SYT9: variants seen among roughly 807,000 people sequenced by gnomAD.
The protein encoded by SYT9 is synaptotagmin 9.
Under a neutral mutation model 48.4 loss-of-function variants are expected in SYT9, and 22 were observed. That is an observed-to-expected ratio of 0.45 (90% CI 0.32 to 0.65). The LOEUF (loss-of-function observed/expected upper bound fraction) is 0.65, where lower values mean the gene tolerates loss of function less well. Among genes scored for constraint, SYT9 ranks in the 30% least tolerant of loss-of-function variants. The pLI, the probability that SYT9 is intolerant of heterozygous loss-of-function variation, is 0.03. For synonymous variants in SYT9, 265 were observed against 245.0 expected (o/e 1.08, Z -0.76); for missense variants, 577 against 622.0 (o/e 0.93, Z 0.77).
intron 3 of SYT9, among the ~76,000 whole-genome samples, chr11:7,407,044 A>G (rs780137447): frequency 2.0e-5 from 3 of 151,972 alleles, no homozygotes; most frequent in Non-Finnish European, 2.9e-5. Flanking sequence ...TAATGATATT[A>G]TTTGGGTTTT....
intron 3 of SYT9, among the ~76,000 whole-genome samples, chr11:7,412,335 A>G (rs1847151796): frequency 6.6e-6 from 1 of 152,194 alleles, no homozygotes; most frequent in Non-Finnish European, 1.5e-5. Context: ...TTGCTTTTGT[A>G]GAGAGGACTC....
chr11:7,457,088 C>T (rs944797051), intron 6 of SYT9: 1 of 152,234 alleles, frequency 6.6e-6, no homozygotes, highest in Non-Finnish European at 1.5e-5. Context: ...CCTCCATCTC[C>T]TCCTTATACT....
intron 3 of SYT9, among the ~76,000 whole-genome samples, chr11:7,331,002 T>C (rs2133977585): frequency 6.6e-6 from 1 of 152,110 alleles, no homozygotes; most frequent in Non-Finnish European, 1.5e-5. Flanking sequence ...TTTCATCATG[T>C]TGGCCAGGCT....
At chr11:7,420,742 C>G (rs116186821) in intron 6 of SYT9, 107 bp downstream of exon 6, 11 of 1,412,584 alleles carry the variant, frequency 7.8e-6, no homozygotes, top group Non-Finnish European at 9.7e-6. Context: ...TGGTCATAGA[C>G]GGGTTTTCCT....
chr11:7,391,734 C>CCAAAAAAAAAAAAAAAA (rs1846614145), intron 3 of SYT9, among the ~76,000 whole-genome samples: 1 of 24,610 alleles, frequency 4.1e-5, no homozygotes, highest in East Asian at 5.7e-3. Context: ...AACCCCATCT[C>CCAAAAAAAAAAAAAAAA]TAAAAAAAAA....
At chr11:7,238,828 G>C in exon 1 of SYT9, 1 of 455,856 alleles carries the variant, frequency 2.2e-6, no homozygotes, top group Non-Finnish European at 4.4e-6. Flanking sequence ...CTTCAATTTG[G>C]GAAAGAATGA....
chr11:7,240,386 A>G (rs190693907), intron 1 of SYT9, among the ~76,000 whole-genome samples: 28 of 152,218 alleles, frequency 1.8e-4, no homozygotes, highest in Admixed American at 1.8e-3. Flanking sequence ...CTGAAGAAAA[A>G]TAGGGACAGA....
chr11:7,456,340 C>A (rs1848149747), intron 6 of SYT9, among the ~76,000 whole-genome samples: 1 of 152,202 alleles, frequency 6.6e-6, no homozygotes, highest in Non-Finnish European at 1.5e-5. Flanking sequence ...TGTAAGTACT[C>A]AAGGGAGGAT....
At chr11:7,429,517 C>A (rs1310130868) in intron 6 of SYT9, among the ~76,000 whole-genome samples, 1 of 152,156 alleles carries the variant, frequency 6.6e-6, no homozygotes, top group Admixed American at 6.5e-5. Context: ...TTACCTCTGG[C>A]CTTTATAAGT....
At chr11:7,334,450 T>G (rs138257898) in intron 3 of SYT9, among the ~76,000 whole-genome samples, 1 of 152,324 alleles carries the variant, frequency 6.6e-6, no homozygotes, top group East Asian at 1.9e-4. Context: ...CCAGAAATTA[T>G]TTAAGCAGTT....
chr11:7,279,568 G>A (rs1038257183), intron 1 of SYT9, among the ~76,000 whole-genome samples: 1 of 151,970 alleles, frequency 6.6e-6, no homozygotes, highest in Non-Finnish European at 1.5e-5. Context: ...ACCACCTCCC[G>A]CCTTCAGAGA....
At chr11:7,286,903 A>G (rs1420000710) in intron 1 of SYT9, among the ~76,000 whole-genome samples, 5 of 152,198 alleles carry the variant, frequency 3.3e-5, no homozygotes, top group Non-Finnish European at 7.3e-5. Flanking sequence ...AGTCTCCAGG[A>G]AGTTCCAAAC....
At chr11:7,389,849 T>C (rs955020540) in intron 3 of SYT9, among the ~76,000 whole-genome samples, 6 of 152,002 alleles carry the variant, frequency 3.9e-5, no homozygotes, top group African/African-American at 1.4e-4. Context: ...AAAACCTACA[T>C]AAGAATGGCA....
chr11:7,247,059 C>T (rs896050707), upstream of SYT9, among the ~76,000 whole-genome samples: 1 of 152,212 alleles, frequency 6.6e-6, no homozygotes, highest in African/African-American at 2.4e-5. Flanking sequence ...TGTGTCCTCA[C>T]ATGGCAGAGA....
At chr11:7,282,926 G>GCACACACACACA (rs151278873) in intron 1 of SYT9, among the ~76,000 whole-genome samples, 350 of 135,732 alleles carry the variant, frequency 2.6e-3, no homozygotes, top group African/African-American at 8.4e-3. Context: ...ACACACACAC[G>GCACACACACACA]CACACACACA....
chr11:7,328,617 C>G (rs972578990), intron 3 of SYT9, among the ~76,000 whole-genome samples: 1 of 152,096 alleles, frequency 6.6e-6, no homozygotes, highest in African/African-American at 2.4e-5. Flanking sequence ...GTTTTCTACA[C>G]TCAGCAATTT....
At chr11:7,352,373 C>A (rs140030730) in intron 3 of SYT9, among the ~76,000 whole-genome samples, 419 of 152,270 alleles carry the variant, frequency 2.8e-3, no homozygotes, top group African/African-American at 9.6e-3. Flanking sequence ...CTACACTGGG[C>A]TTGACAGAGG....
At position 7,313,592 on chromosome 11, in the gene SYT9, G is replaced by A; in HGVS notation, c.695G>A (p.Cys232Tyr). 6 of 1,614,128 alleles carry A rather than the reference G, an allele frequency of 3.7e-6. No individual in the cohort carries two copies. Among genetic ancestry groups the A allele is most frequent in the Non-Finnish European group, 5.1e-6 (6 of 1,180,022 alleles). Residue 232 changes from cysteine (C) to tyrosine (Y), a missense_variant, in exon 3 of 7, where the codon TGT becomes TAT. Cys to Tyr is a radical substitution (Grantham distance 194). Coordinates refer to ENST00000318881, the MANE Select transcript of SYT9 (RefSeq NM_175733.4). ...GKLNFILKYD[C>Y]DLEQLIVKIH... ...CTGAACTTCATTTTAAAATATGACT[G>A]TGACTTAGAGCAGCTCATAGTGAAG...
intron 6 of SYT9, chr11:7,439,277 C>G (rs1031880016): frequency 1.3e-5 from 2 of 152,220 alleles, no homozygotes; most frequent in Non-Finnish European, 2.9e-5. Context: ...TGGTGTGAGA[C>G]CTTGACCAAG....
Sources: allele counts gnomAD v4.1 joint callset (sites outside exome capture counted in the v4.1 genomes callset), GRCh38; gene constraint gnomAD v4.1.1; transcripts MANE v1.5; gene names NCBI Gene and HGNC (gene_info 2026-07-23, HGNC 2026-07-21).